PROM1: variants seen among roughly 807,000 people sequenced by gnomAD.
The protein encoded by PROM1 is prominin-1.
In PROM1, 105 loss-of-function variants were observed where a neutral mutation model predicts 116.9. The observed-to-expected ratio is 0.90, with a 90% confidence interval of 0.77 to 1.06. The LOEUF (loss-of-function observed/expected upper bound fraction) is 1.06. PROM1 is among the 50% of genes least tolerant of loss of function. The pLI, the probability that PROM1 is intolerant of heterozygous loss-of-function variation, is 0.00. For synonymous variants in PROM1, 393 were observed against 387.0 expected, an observed-to-expected ratio of 1.02 and a Z score of -0.18; for missense variants, 1,122 against 1,045.2, an observed-to-expected ratio of 1.07 and a Z score of -1.01.
intron 21 of PROM1, 44 bp from the exon 22 acceptor site, chr4:15,985,872 A>G: frequency 6.9e-7 from 1 of 1,454,488 alleles, no homozygotes; most frequent in Non-Finnish European, 9.5e-7. Context: ...AAATGATGAC[A>G]GCATACTTAA....
At chr4:16,070,184 A>G (rs892218371) in intron 2 of PROM1, among the ~76,000 whole-genome samples, 7 of 152,206 alleles carry the variant, frequency 4.6e-5, no homozygotes, top group Admixed American at 3.3e-4. Context: ...AGAGGTTGGT[A>G]AATTTGGCAA....
chr4:16,050,272 C>CCACACA (rs554201356), intron 2 of PROM1, among the ~76,000 whole-genome samples: 2 of 148,104 alleles, frequency 1.4e-5, no homozygotes, highest in African/African-American at 2.5e-5. Context: ...AAAAAAAAAA[C>CCACACA]CACACACACA....
intron 12 of PROM1, among the ~76,000 whole-genome samples, chr4:16,008,007 T>C (rs1725942526): frequency 6.6e-6 from 1 of 152,088 alleles, no homozygotes; most frequent in Non-Finnish European, 1.5e-5. Context: ...GAAAACAGGG[T>C]TGTAAATGGA....
At chr4:15,993,668 G>A (rs1213539593) in intron 16 of PROM1, among the ~76,000 whole-genome samples, 1 of 152,166 alleles carries the variant, frequency 6.6e-6, no homozygotes, top group African/African-American at 2.4e-5. Context: ...AATAGGGATT[G>A]TTCCCACAAA....
chr4:16,026,308 CG>C (rs1731256093), intron 5 of PROM1, among the ~76,000 whole-genome samples: 1 of 151,930 alleles, frequency 6.6e-6, no homozygotes, highest in Admixed American at 6.6e-5. Flanking sequence ...TGGCAAAAAA[CG>C]TTCCATTAGA....
chr4:16,018,425 T>C lies in PROM1; in HGVS notation c.900A>G (p.Ser300=). ...CCAAGCACAGAGGGTCATTGAGAGATGACCGCAGGCTAGTTTTCACGCTGG... is the reference window on the plus strand; with the variant it reads ...CCAAGCACAGAGGGTCATTGAGAGACGACCGCAGGCTAGTTTTCACGCTGG... ...SLTSVKTSLR[S]SLNDPLCLVH... is the part of the protein sequence containing the mutation. Residue 300 remains serine (S), a synonymous_variant, in exon 9 of 28, where the codon TCA becomes TCG. Coordinates refer to ENST00000447510, the MANE Select transcript of PROM1 (RefSeq NM_006017.3). 1.2e-6 allele frequency: 2 copies of C among 1,613,900 alleles called. No homozygotes were observed. The highest frequency in any genetic ancestry group is 1.7e-4 in the Middle Eastern group (1 of 5,940).
At chr4:16,053,971 G>T (rs868384801) in intron 2 of PROM1, among the ~76,000 whole-genome samples, 1 of 152,204 alleles carries the variant, frequency 6.6e-6, no homozygotes, top group East Asian at 1.9e-4. Context: ...GTGAGCACTT[G>T]TCATCCCAGT....
intron 3 of PROM1, among the ~76,000 whole-genome samples, chr4:16,037,258 T>TC (rs1560541814): frequency 1.3e-5 from 2 of 152,102 alleles, no homozygotes; most frequent in South Asian, 2.1e-4. Context: ...GTCATTTTCT[T>TC]CCCCCCAGAG....
In PROM1 at chr4:16,018,522, T is replaced by C. The variant is rs781090768; in HGVS notation, c.803A>G (p.Glu268Gly). The C allele has an allele frequency of 6.2e-7, 1 of 1,609,666 alleles. No individual in the cohort carries two copies. The highest frequency in any genetic ancestry group is 1.1e-5 in the South Asian group (1 of 90,390). The change falls in exon 9 of 28, where the codon GAG (glutamate) becomes GGG (glycine). Residue 268 changes from glutamate to glycine, a missense_variant. Coordinates refer to ENST00000447510, the MANE Select transcript of PROM1 (RefSeq NM_006017.3). Reference protein sequence around the residue: ...SMATAIKETKEALENMNSTLK... With the variant: ...SMATAIKETKGALENMNSTLK... ...GGTGCTGTTCATGTTCTCCAACGCC[T>C]CTTTGGTCTCCTTGATCGCTATGGA...
chr4:16,012,443 C>CAAA (rs1475374998), intron 11 of PROM1, among the ~76,000 whole-genome samples: 133 of 152,340 alleles, frequency 8.7e-4, no homozygotes, highest in African/African-American at 3.0e-3. Context: ...GTAGAATCCT[C>CAAA]TCTACATTGA....
chr4:15,979,277 A>G (rs550279897), intron 26 of PROM1, 118 bp downstream of exon 26: 1 of 1,490,246 alleles, frequency 6.7e-7, no homozygotes, highest in African/African-American at 1.4e-5. Flanking sequence ...TAGCATTGAT[A>G]AAGTATCATA....
At chr4:16,015,786 C>T (rs1728232588) in intron 10 of PROM1, among the ~76,000 whole-genome samples, 1 of 151,922 alleles carries the variant, frequency 6.6e-6, no homozygotes. Flanking sequence ...AGAGCATGTG[C>T]AAATGCGTGA....
intron 27 of PROM1, 94 bp downstream of exon 27, chr4:15,970,949 T>G: frequency 1.0e-6 from 1 of 965,730 alleles, no homozygotes; most frequent in Non-Finnish European, 1.6e-6. Flanking sequence ...TCCCACTTAA[T>G]GTGGCAATGT....
intron 24 of PROM1, 106 bp downstream of exon 24, chr4:15,980,316 A>G (rs1577796369): frequency 4.5e-6 from 4 of 880,360 alleles, no homozygotes; most frequent in African/African-American, 1.7e-5. Context: ...AAAAAAAAAA[A>G]AAAAGAAATC....
intron 15 of PROM1, among the ~76,000 whole-genome samples, chr4:15,994,305 A>G (rs1234036275): frequency 6.6e-6 from 1 of 152,220 alleles, no homozygotes; most frequent in African/African-American, 2.4e-5. Context: ...GGATTGATGA[A>G]TATATCTTTC....
rs188277723 is a variant in PROM1, at chr4:16,005,541, T to A, written c.1454+997A>T. ...GTGTGTGTGTGTGTGTGTGTGTGTG[T>A]GAAAATTTGGTTTGAAGACCCAAAG... On this transcript the variant is annotated intron_variant, in intron 13 of 27. Transcript: ENST00000447510. Among the ~76,000 whole-genome samples the A allele has an allele frequency of 9.2e-3, 1,328 of 143,728 alleles. 18 individuals carry two copies. Among genetic ancestry groups the A allele is most frequent in the African/African-American group, 0.033 (1,267 of 38,896 alleles). 94.3% of individuals were successfully genotyped at this position (143,728 alleles called of 152,430 possible).
At chr4:16,056,723 G>A (rs73798827) in intron 2 of PROM1, among the ~76,000 whole-genome samples, 13 of 152,130 alleles carry the variant, frequency 8.5e-5, no homozygotes, top group Admixed American at 3.9e-4. Flanking sequence ...AAAGGGAATA[G>A]GCAGAGAAGC....
chr4:15,994,975 G>A (rs977613390), intron 15 of PROM1, among the ~76,000 whole-genome samples: 1 of 152,224 alleles, frequency 6.6e-6, no homozygotes, highest in African/African-American at 2.4e-5. Flanking sequence ...GAGCTAGCAT[G>A]CCAGGCTGAG....
intron 2 of PROM1, among the ~76,000 whole-genome samples, chr4:16,074,096 C>G (rs1743432964): frequency 6.6e-6 from 1 of 152,036 alleles, no homozygotes; most frequent in Non-Finnish European, 1.5e-5. Context: ...GAAGCAAAGA[C>G]TAAAAACATT....
Sources: allele counts gnomAD v4.1 joint callset (sites outside exome capture counted in the v4.1 genomes callset), GRCh38; gene constraint gnomAD v4.1.1; transcripts MANE v1.5; gene names NCBI Gene and HGNC (gene_info 2026-07-23, HGNC 2026-07-21).